UNC5D: variants seen among roughly 807,000 people sequenced by gnomAD.
The protein encoded by UNC5D is unc-5 netrin receptor D.
Under a neutral mutation model 105.4 loss-of-function variants are expected in UNC5D, and 39 were observed. The ratio of observed to expected loss-of-function variants is 0.37; its 90% CI spans 0.29 to 0.48. The LOEUF is 0.48. Among genes scored for constraint, UNC5D ranks in the 20% least tolerant of loss-of-function variants. UNC5D has a pLI of 0.98. For missense variants in UNC5D, 991 were observed against 1,202.4 expected, an observed-to-expected ratio of 0.82 and a Z score of 2.60; for synonymous variants, 452 against 450.4, an observed-to-expected ratio of 1.00 and a Z score of -0.04.
At chr8:35,240,361 CTTTG>C (rs1046306921) in intron 1 of UNC5D, among the ~76,000 whole-genome samples, 4 of 152,224 alleles carry the variant, frequency 2.6e-5, no homozygotes, top group Admixed American at 2.6e-4. Flanking sequence ...ATTTCTGCAA[CTTTG>C]TTTGAATATG....
At chr8:35,766,166 T>G (rs1296542433) in intron 14 of UNC5D, among the ~76,000 whole-genome samples, 1 of 152,162 alleles carries the variant, frequency 6.6e-6, no homozygotes, top group Non-Finnish European at 1.5e-5. Flanking sequence ...AGTAGGGGAC[T>G]GAATCTGTTC....
intron 1 of UNC5D, among the ~76,000 whole-genome samples, chr8:35,445,918 G>T (rs1033587761): frequency 6.6e-6 from 1 of 152,022 alleles, no homozygotes; most frequent in African/African-American, 2.4e-5. Flanking sequence ...AAATTGAACT[G>T]GTGGCCATTA....
Position 35,575,324 on chromosome 8 carries a change from G to T in UNC5D, c.466+7083G>T, listed in dbSNP as rs375699335. On this transcript the variant is annotated intron_variant, in intron 3 of 16. Coordinates refer to ENST00000404895, the MANE Select transcript of UNC5D (RefSeq NM_080872.4). Reference sequence around the variant, plus strand: ...TTGAAAAGCAACCCTGCCAGTGTAGGATATGGCTCTAGAAAAAGACCTTTG... The same window carrying T: ...TTGAAAAGCAACCCTGCCAGTGTAGTATATGGCTCTAGAAAAAGACCTTTG... Among the ~76,000 whole-genome samples, 8 of 152,242 alleles carry T rather than the reference G, an allele frequency of 5.3e-5. No homozygotes were observed. The East Asian group carries it at 1.5e-3, about 29-fold the overall frequency.
At chr8:35,549,952 C>CTTTT (rs5890821) in intron 2 of UNC5D, among the ~76,000 whole-genome samples, 2,202 of 125,520 alleles carry the variant, frequency 0.018, 94 homozygotes, top group African/African-American at 0.063. Context: ...TTTCTGAGTC[C>CTTTT]TTTTTTTTTT....
At chr8:35,303,467 T>C (rs377401226) in intron 1 of UNC5D, among the ~76,000 whole-genome samples, 15 of 152,240 alleles carry the variant, frequency 9.9e-5, no homozygotes, top group Admixed American at 7.2e-4. Context: ...ACAGTGTAGG[T>C]TTAGATAATT....
At chr8:35,644,883 A>C (rs1240985047) in intron 4 of UNC5D, among the ~76,000 whole-genome samples, 11 of 152,150 alleles carry the variant, frequency 7.2e-5, no homozygotes. Flanking sequence ...TCAAAAAGTG[A>C]GACTTGGAGC....
In UNC5D at chr8:35,392,858, G is replaced by C. The variant is rs558749289; in HGVS notation, c.104-156434G>C. ...ACTAGAATGGCTATCTCATGGTATA[G>C]ATAATTCTTTGGTATTTATTACTTA... On this transcript the variant is annotated intron_variant, in intron 1 of 16. Transcript: ENST00000404895. Among the ~76,000 whole-genome samples, 3 of 152,248 alleles carry C rather than the reference G, an allele frequency of 2.0e-5. No individual in the cohort carries two copies. In the East Asian group the frequency reaches 5.8e-4, roughly 29 times the overall value.
At chr8:35,295,698 A>G (rs1807432267) in intron 1 of UNC5D, among the ~76,000 whole-genome samples, 1 of 152,120 alleles carries the variant, frequency 6.6e-6, no homozygotes, top group Non-Finnish European at 1.5e-5. Flanking sequence ...GAGAACACTT[A>G]AGATCTACTC....
At chr8:35,276,112 A>G (rs1432061632) in intron 1 of UNC5D, among the ~76,000 whole-genome samples, 1 of 152,198 alleles carries the variant, frequency 6.6e-6, no homozygotes, top group Non-Finnish European at 1.5e-5. Context: ...GTGTACATCT[A>G]TTTAATCACT....
rs145556749 is a variant in UNC5D, at chr8:35,606,761, T to C, written c.570+11104T>C. Among the ~76,000 whole-genome samples, 1,045 of 152,244 alleles carry C rather than the reference T, an allele frequency of 6.9e-3. 34 individuals carry two copies. The highest frequency in any genetic ancestry group is 0.061 in the Admixed American group (927 of 15,276). ...GTAAGATAGCAGCCAAAAGCAAAAA[T>C]ACATTTTGTTTCATAAATGCACACA... On this transcript the variant is annotated intron_variant, in intron 4 of 16. Transcript: ENST00000404895.
At chr8:35,768,570 A>T (rs1349405385) in intron 15 of UNC5D, among the ~76,000 whole-genome samples, 1 of 152,220 alleles carries the variant, frequency 6.6e-6, no homozygotes, top group East Asian at 1.9e-4. Flanking sequence ...TAACAGGCCA[A>T]TGAGTTCGGG....
At chr8:35,693,706 A>G (rs1826564920) in intron 7 of UNC5D, among the ~76,000 whole-genome samples, 1 of 151,992 alleles carries the variant, frequency 6.6e-6, no homozygotes, top group Admixed American at 6.6e-5. Flanking sequence ...ATCTCCTTCT[A>G]CCTACATTTT....
chr8:35,722,457 C>T lies in UNC5D; in HGVS notation c.1303+62C>T, dbSNP rs530468973. The T allele has an allele frequency of 4.1e-4, 629 of 1,542,420 alleles. 3 individuals are homozygous for T. The African/African-American group carries it at 8.0e-3, about 20-fold the overall frequency. On this transcript the variant is annotated intron_variant, in intron 9 of 16. Coordinates refer to ENST00000404895, the MANE Select transcript of UNC5D (RefSeq NM_080872.4). Reference sequence around the variant, plus strand: ...TGCCATAGACTACGCTCACACTAGACCCCAGCCTTCTCCTGGGCCCTGTGT... The same window carrying T: ...TGCCATAGACTACGCTCACACTAGATCCCAGCCTTCTCCTGGGCCCTGTGT...
chr8:35,375,452 A>G (rs1007534207), intron 1 of UNC5D, among the ~76,000 whole-genome samples: 6 of 152,210 alleles, frequency 3.9e-5, no homozygotes, highest in African/African-American at 1.4e-4. Context: ...CTCCTCCCGC[A>G]GTTGGGCTTT....
At chr8:35,646,380 G>T (rs1213286103) in intron 4 of UNC5D, among the ~76,000 whole-genome samples, 2 of 152,022 alleles carry the variant, frequency 1.3e-5, no homozygotes, top group Non-Finnish European at 2.9e-5. Flanking sequence ...GAAGAACATT[G>T]GAAGGCAGTC....
At chr8:35,372,394 G>C (rs1358554542) in intron 1 of UNC5D, among the ~76,000 whole-genome samples, 1 of 152,088 alleles carries the variant, frequency 6.6e-6, no homozygotes, top group Non-Finnish European at 1.5e-5. Context: ...AAAGTGCTGG[G>C]ATTACAGGCA....
At chr8:35,781,870 C>G (rs1312891166) in intron 16 of UNC5D, among the ~76,000 whole-genome samples, 1 of 152,140 alleles carries the variant, frequency 6.6e-6, no homozygotes, top group Non-Finnish European at 1.5e-5. Flanking sequence ...AAAAAGAATT[C>G]TTGCTTTTTT....
chr8:35,725,791 CTTTT>C (rs1016025412), intron 9 of UNC5D, among the ~76,000 whole-genome samples: 1 of 152,284 alleles, frequency 6.6e-6, no homozygotes, highest in Non-Finnish European at 1.5e-5. Context: ...TCTCCCCCCT[CTTTT>C]TTTGTTATTT....
intron 2 of UNC5D, among the ~76,000 whole-genome samples, chr8:35,558,040 C>T (rs944687544): frequency 4.0e-5 from 6 of 149,392 alleles, no homozygotes; most frequent in Non-Finnish European, 4.4e-5. Flanking sequence ...GCAGGAGAAT[C>T]GCTTGAACCT....
Sources: allele counts gnomAD v4.1 joint callset (sites outside exome capture counted in the v4.1 genomes callset), GRCh38; gene constraint gnomAD v4.1.1; transcripts MANE v1.5; gene names NCBI Gene and HGNC (gene_info 2026-07-23, HGNC 2026-07-21).